The following TIAM1 variants were observed in gnomAD, a reference collection of about 807,000 sequenced individuals.
TIAM1 encodes TIAM Rac1 associated GEF 1, also known as rho guanine nucleotide exchange factor TIAM1.
TIAM1 carries 65 observed loss-of-function variants against 163.5 expected under a neutral mutation model. That is an observed-to-expected ratio of 0.40 (90% CI 0.33 to 0.49). The LOEUF (loss-of-function observed/expected upper bound fraction) is 0.49, where lower values mean the gene tolerates loss of function less well. TIAM1 is among the 20% of genes least tolerant of loss of function. TIAM1 has a pLI of 0.77. For missense variants in TIAM1, 1,789 were observed against 2,044.7 expected (o/e 0.87, Z 2.41); for synonymous variants, 833 against 810.1 (o/e 1.03, Z -0.48).
chr21:31,384,531 C>T (rs2076833744), intron 2 of TIAM1, among the ~76,000 whole-genome samples: 1 of 152,118 alleles, frequency 6.6e-6, no homozygotes, highest in African/African-American at 2.4e-5. Flanking sequence ...GCTATGATCA[C>T]ACCACTGCAC....
At chr21:31,276,452 G>A (rs1248227049) in intron 3 of TIAM1, among the ~76,000 whole-genome samples, 1 of 152,122 alleles carries the variant, frequency 6.6e-6, no homozygotes, top group African/African-American at 2.4e-5. Context: ...CCGATATAAA[G>A]ATGGTGAAGC....
chr21:31,331,048 A>T (rs2075664053), intron 2 of TIAM1, among the ~76,000 whole-genome samples: 1 of 152,184 alleles, frequency 6.6e-6, no homozygotes, highest in African/African-American at 2.4e-5. Flanking sequence ...ATGTTTTCCC[A>T]ACTGGTACTA....
In TIAM1 at chr21:31,182,457, C is replaced by T. The variant is rs777568280; in HGVS notation, c.2851G>A (p.Gly951Ser). The T allele has an allele frequency of 1.3e-6, 2 of 1,600,006 alleles. No homozygotes were observed. The highest frequency in any genetic ancestry group is 1.1e-5 in the South Asian group (1 of 88,930). Reference sequence around the variant, plus strand: ...GTGAGAAAGGCGAGGGGGCTCTCGCCAAGGTCGGCAGGGCCGTCCACTCGG... The same window carrying T: ...GTGAGAAAGGCGAGGGGGCTCTCGCTAAGGTCGGCAGGGCCGTCCACTCGG... ...PHRVDGPADLGESPLAFLTSN... is the reference protein window; with the variant it reads ...PHRVDGPADLSESPLAFLTSN... Residue 951 changes from glycine (G) to serine (S), a missense_variant, in exon 15 of 28, where the codon GGC becomes AGC. By Grantham distance (56) the Gly-to-Ser change is moderately conservative. Coordinates refer to ENST00000541036, the MANE Select transcript of TIAM1 (RefSeq NM_001353694.2).
At chr21:31,306,340 T>C (rs1344912158) in intron 2 of TIAM1, among the ~76,000 whole-genome samples, 13 of 151,468 alleles carry the variant, frequency 8.6e-5, no homozygotes. Flanking sequence ...CTGAATAAAA[T>C]AGGAAACTAC....
At chr21:31,329,980 A>C (rs531081866) in intron 2 of TIAM1, among the ~76,000 whole-genome samples, 3 of 152,316 alleles carry the variant, frequency 2.0e-5, no homozygotes, top group African/African-American at 7.2e-5. Context: ...CCCGACTACC[A>C]AGATCTTTCA....
rs1178214083 is a variant in TIAM1 at position 31,233,568 on chromosome 21, G to A, written c.1585-7618C>T. On this transcript the variant is annotated intron_variant, in intron 6 of 27. Coordinates refer to ENST00000541036, the MANE Select transcript of TIAM1 (RefSeq NM_001353694.2). ...AAAAATACAAAAATTAGCCAGGTGT[G>A]GTGGTGCATGCCTGTAAACTAAGCT... is the stretch of plus-strand genomic sequence containing the variant. 1.2e-4 allele frequency among the ~76,000 whole-genome samples: 19 copies of A among 152,150 alleles called. 1 individual carries two copies. Among genetic ancestry groups the A allele is most frequent in the Admixed American group, 1.2e-3 (19 of 15,272 alleles).
chr21:31,474,443 A>C (rs754452205), intron 1 of TIAM1, among the ~76,000 whole-genome samples: 3 of 152,030 alleles, frequency 2.0e-5, no homozygotes, highest in South Asian at 4.2e-4. Flanking sequence ...CTGTAAGATG[A>C]GGATGGCAGC....
chr21:31,414,244 T>C (rs1243868606), intron 2 of TIAM1, among the ~76,000 whole-genome samples: 1 of 152,168 alleles, frequency 6.6e-6, no homozygotes, highest in African/African-American at 2.4e-5. Context: ...AAAGTTCCCG[T>C]CCTCTTGTGA....
chr21:31,223,313 G>C, intron 8 of TIAM1, 93 bp downstream of exon 8: 1 of 1,378,020 alleles, frequency 7.3e-7, no homozygotes, highest in Non-Finnish European at 9.8e-7. Context: ...ACAGCAGGAA[G>C]CTCGAAAAAC....
intron 1 of TIAM1, among the ~76,000 whole-genome samples, chr21:31,510,132 A>G (rs746357796): frequency 6.6e-6 from 1 of 152,214 alleles, no homozygotes; most frequent in Non-Finnish European, 1.5e-5. Context: ...TGCCATAACA[A>G]AATACCAGAG....
At chr21:31,199,043 C>T (rs2086039842) in intron 12 of TIAM1, among the ~76,000 whole-genome samples, 2 of 152,322 alleles carry the variant, frequency 1.3e-5, no homozygotes, top group South Asian at 4.1e-4. Context: ...AAATAGCTCA[C>T]ATCTTCCCTT....
At chr21:31,556,927 A>C (rs1030060418) in intron 1 of TIAM1, among the ~76,000 whole-genome samples, 7 of 152,222 alleles carry the variant, frequency 4.6e-5, no homozygotes, top group African/African-American at 1.4e-4. Flanking sequence ...TTCTTCAGCT[A>C]CAAGGCATAG....
intron 8 of TIAM1, among the ~76,000 whole-genome samples, chr21:31,220,559 T>C (rs1321856472): frequency 6.6e-6 from 1 of 152,196 alleles, no homozygotes; most frequent in Non-Finnish European, 1.5e-5. Context: ...AAAGACAGCA[T>C]GAAAGAGAAA....
At chr21:31,385,805 T>C (rs909177208) in intron 2 of TIAM1, among the ~76,000 whole-genome samples, 7 of 147,388 alleles carry the variant, frequency 4.7e-5, no homozygotes, top group African/African-American at 1.7e-4. Flanking sequence ...TTTAATAATA[T>C]TTAATTTAAA....
At chr21:31,393,568 C>T (rs1328810794) in intron 2 of TIAM1, among the ~76,000 whole-genome samples, 1 of 152,102 alleles carries the variant, frequency 6.6e-6, no homozygotes, top group East Asian at 1.9e-4. Context: ...ACATGAATGT[C>T]GGGAATCCTC....
At chr21:31,237,371 C>T (rs999141368) in intron 6 of TIAM1, among the ~76,000 whole-genome samples, 5 of 152,242 alleles carry the variant, frequency 3.3e-5, no homozygotes, top group African/African-American at 1.2e-4. Context: ...GACATGGCTT[C>T]CAAGGTAGTT....
At chr21:31,534,903 G>A (rs1390895892) in intron 1 of TIAM1, among the ~76,000 whole-genome samples, 1 of 152,124 alleles carries the variant, frequency 6.6e-6, no homozygotes, top group Non-Finnish European at 1.5e-5. Flanking sequence ...CCAGGAGTTC[G>A]AGAACAGCTT....
At chr21:31,246,295 C>A (rs547450785) in intron 5 of TIAM1, among the ~76,000 whole-genome samples, 2 of 152,074 alleles carry the variant, frequency 1.3e-5, no homozygotes, top group African/African-American at 4.8e-5. Context: ...CATACAAAGG[C>A]CTGGGAGAAG....
chr21:31,350,050 T>C (rs928953395), intron 2 of TIAM1, among the ~76,000 whole-genome samples: 22 of 152,332 alleles, frequency 1.4e-4, no homozygotes, highest in Middle Eastern at 3.4e-3. Context: ...TGTTTTCACA[T>C]TGACGGTGCT....
Sources: allele counts gnomAD v4.1 joint callset (sites outside exome capture counted in the v4.1 genomes callset), GRCh38; gene constraint gnomAD v4.1.1; transcripts MANE v1.5; gene names NCBI Gene and HGNC (gene_info 2026-07-23, HGNC 2026-07-21).